Variants in TTC17 observed in about 807,000 individuals in gnomAD.
The protein encoded by TTC17 is tetratricopeptide repeat domain 17, also known as tetratricopeptide repeat protein 17.
A neutral mutation model predicts 143.8 loss-of-function variants in TTC17; 58 were observed. The observed-to-expected ratio is 0.40, with a 90% CI of 0.33 to 0.50. The LOEUF is 0.50. Ranked by LOEUF, TTC17 falls within the 20% of genes least tolerant of loss-of-function variation. The pLI is 0.49. For synonymous variants in TTC17, 501 were observed against 497.8 expected, an observed-to-expected ratio of 1.01 and a Z score of -0.09; for missense variants, 1,273 against 1,392.5, an observed-to-expected ratio of 0.91 and a Z score of 1.37.
In TTC17 at chr11:43,492,153, A is replaced by T. The variant is rs139245335; in HGVS notation, c.3284A>T (p.Tyr1095Phe). Reference protein sequence around the residue: ...AVNHFTLGNVYVAMEEFEKAL... With the variant: ...AVNHFTLGNVFVAMEEFEKAL... Reference sequence around the variant, plus strand: ...AACCACTTCACTCTGGGCAATGTCTACGTGGCAATGGTGAGATGGGGGTGT... The same window carrying T: ...AACCACTTCACTCTGGGCAATGTCTTCGTGGCAATGGTGAGATGGGGGTGT... The change falls in exon 23 of 24, where the codon TAC (tyrosine) becomes TTC (phenylalanine). Residue 1095 changes from tyrosine to phenylalanine, a missense_variant. Around this residue, in one of 3 missense-constraint regions of TTC17, gnomAD observed 878 missense variants for 899.8 expected, o/e 0.98. Transcript: ENST00000039989. 6.2e-6 allele frequency: 10 copies of T among 1,613,942 alleles called. No homozygotes were observed. The highest frequency in any genetic ancestry group is 1.3e-5 in the African/African-American group (1 of 74,924).
chr11:43,438,517 A>G (rs966882572), intron 16 of TTC17, among the ~76,000 whole-genome samples: 1 of 152,194 alleles, frequency 6.6e-6, no homozygotes, highest in African/African-American at 2.4e-5. Flanking sequence ...TTGTGAGACA[A>G]AGGGACATAT....
chr11:43,400,741 CTG>C (rs979969368), intron 9 of TTC17, among the ~76,000 whole-genome samples: 1 of 152,080 alleles, frequency 6.6e-6, no homozygotes, highest in Admixed American at 6.6e-5. Flanking sequence ...TCTCAAGCAT[CTG>C]TGATCCATAA....
intron 21 of TTC17, among the ~76,000 whole-genome samples, chr11:43,451,539 G>A (rs1342836928): frequency 6.6e-6 from 1 of 152,178 alleles, no homozygotes; most frequent in Non-Finnish European, 1.5e-5. Context: ...AGAGGTGGTA[G>A]TATTGGAAAC....
chr11:43,443,492 A>C lies in TTC17; in HGVS notation c.2419A>C (p.Ile807Leu). 1 of 1,614,200 alleles carries C rather than the reference A, an allele frequency of 6.2e-7. No individual in the cohort carries two copies. The highest frequency in any genetic ancestry group is 8.5e-7 in the Non-Finnish European group (1 of 1,180,020). Residue 807 changes from isoleucine to leucine, a missense_variant, in exon 17 of 24, where the codon ATA (isoleucine) becomes CTA (leucine). This residue lies in a region of TTC17 where 878 missense variants were observed against 899.8 expected (regional missense o/e 0.98). Coordinates refer to ENST00000039989, the MANE Select transcript of TTC17 (RefSeq NM_018259.6). ...MKGRRLDLQGIRVLKKGPQDG... is the reference protein window; with the variant it reads ...MKGRRLDLQGLRVLKKGPQDG... ...AGGGCGGCGTCTAGACTTACAAGGA[A>C]TACGGGTGCTGAAGAAAGGTCCCCA...
chr11:43,469,437 C>T (rs1948046708), intron 21 of TTC17, among the ~76,000 whole-genome samples: 1 of 152,104 alleles, frequency 6.6e-6, no homozygotes, highest in South Asian at 2.1e-4. Context: ...CAGCTTTATT[C>T]ATAATAGCCA....
At chr11:43,490,158 C>G in intron 21 of TTC17, 81 bp from the exon 22 acceptor site, 1 of 1,530,348 alleles carries the variant, frequency 6.5e-7, no homozygotes, top group African/African-American at 1.4e-5. Context: ...ATGGTCATGA[C>G]TTGTGTTACT....
chr11:43,400,333 T>C (rs1857798251), intron 9 of TTC17, among the ~76,000 whole-genome samples: 1 of 152,190 alleles, frequency 6.6e-6, no homozygotes, highest in African/African-American at 2.4e-5. Flanking sequence ...CAGTTTTTTT[T>C]CCTACCCTAA....
intron 21 of TTC17, among the ~76,000 whole-genome samples, chr11:43,489,581 T>A (rs565659589): frequency 2.6e-5 from 4 of 151,988 alleles, no homozygotes; most frequent in African/African-American, 9.7e-5. Flanking sequence ...CTACTAAAAA[T>A]ACAAAAATTA....
At chr11:43,459,236 C>G (rs1327523605) in intron 21 of TTC17, among the ~76,000 whole-genome samples, 7 of 152,196 alleles carry the variant, frequency 4.6e-5, no homozygotes, top group Admixed American at 4.6e-4. Context: ...ATGTAGCAAT[C>G]CCATGGCAGT....
chr11:43,390,543 G>A lies in TTC17; in HGVS notation c.419+722G>A, dbSNP rs537849845. ...AGGCAGGAGAATGGCGTGAACCCAG[G>A]AGGCAGAGCTTGCAGTGAGCCAAGA... On this transcript the variant is annotated intron_variant, in intron 3 of 23. Coordinates refer to ENST00000039989, the MANE Select transcript of TTC17 (RefSeq NM_018259.6). Among the ~76,000 whole-genome samples the A allele has an allele frequency of 2.6e-5, 4 of 151,858 alleles. No homozygotes were observed. In the South Asian group the frequency reaches 8.3e-4, roughly 32 times the overall value.
chr11:43,419,175 A>G (rs1946844701), intron 16 of TTC17, among the ~76,000 whole-genome samples: 1 of 152,214 alleles, frequency 6.6e-6, no homozygotes, highest in South Asian at 2.1e-4. Flanking sequence ...AGATCCTTAG[A>G]AAGAATGAAT....
chr11:43,361,065 A>G (rs1410930383), intron 1 of TTC17, among the ~76,000 whole-genome samples: 1 of 152,182 alleles, frequency 6.6e-6, no homozygotes, highest in East Asian at 1.9e-4. Flanking sequence ...GTTGGATTTA[A>G]TCTGAAGAAA....
At chr11:43,410,795 A>G (rs1277077820) in intron 15 of TTC17, among the ~76,000 whole-genome samples, 2 of 152,210 alleles carry the variant, frequency 1.3e-5, no homozygotes, top group South Asian at 2.1e-4. Context: ...TAATAAAGCT[A>G]TCTTTCCAGT....
At chr11:43,366,933 C>T (rs533791077) in intron 1 of TTC17, among the ~76,000 whole-genome samples, 49 of 152,250 alleles carry the variant, frequency 3.2e-4, no homozygotes, top group African/African-American at 1.1e-3. Context: ...GAGTCATACT[C>T]GTCATAATAT....
In TTC17 at chr11:43,490,348, A is replaced by G. The variant is rs986880082; in HGVS notation, c.3140A>G (p.His1047Arg). The change falls in exon 22 of 24, where the codon CAC becomes CGC. Residue 1047 changes from histidine (H) to arginine (R), a missense_variant. His to Arg is a conservative substitution (Grantham distance 29). Transcript: ENST00000039989. ...CGCCAGGCTCTGCACTATGCGCCAC[A>G]CCAGATGAAGGTGAGTGGGACTCAG... ...CLRQALHYAP[H>R]QMKDVPLISL... 1 of 1,603,746 alleles carries G rather than the reference A, an allele frequency of 6.2e-7. No homozygotes were observed. Among genetic ancestry groups the G allele is most frequent in the East Asian group, 2.2e-5 (1 of 44,632 alleles).
chr11:43,472,374 A>G (rs1395734421), intron 21 of TTC17, among the ~76,000 whole-genome samples: 9 of 152,184 alleles, frequency 5.9e-5, no homozygotes, highest in Non-Finnish European at 1.2e-4. Context: ...ATGCAAATAC[A>G]AGTAAAAAGG....
rs1457329429 is a variant in TTC17 at position 43,372,514 on chromosome 11, A to ATTTATTTG, written c.160-6716_160-6715insATTTGTTT. On this transcript the variant is annotated intron_variant, in intron 1 of 23. Coordinates refer to ENST00000039989, the MANE Select transcript of TTC17 (RefSeq NM_018259.6). The stretch of plus-strand genomic sequence containing the variant: ...TATTTATTTATTTATTTATTTATTT[A>ATTTATTTG]TTTTTGAGACAGAGTTTCACTCTTA... Among the ~76,000 whole-genome samples, 4 of 149,704 alleles carry ATTTATTTG rather than the reference A, an allele frequency of 2.7e-5. No homozygotes were observed. In the East Asian group the frequency reaches 7.8e-4, roughly 29 times the overall value.
At chr11:43,363,449 T>C (rs1339783636) in intron 1 of TTC17, among the ~76,000 whole-genome samples, 1 of 152,238 alleles carries the variant, frequency 6.6e-6, no homozygotes, top group Admixed American at 6.5e-5. Flanking sequence ...TTGTTAGTTG[T>C]AGCCTTACTG....
chr11:43,440,669 C>A (rs1255529245), intron 16 of TTC17, among the ~76,000 whole-genome samples: 1 of 152,154 alleles, frequency 6.6e-6, no homozygotes, highest in Non-Finnish European at 1.5e-5. Context: ...CACCCCAGTT[C>A]CGATACACAA....
Sources: allele counts gnomAD v4.1 joint callset (sites outside exome capture counted in the v4.1 genomes callset), GRCh38; gene constraint gnomAD v4.1.1; regional missense constraint gnomAD v4.1.1; transcripts MANE v1.5; gene names NCBI Gene and HGNC (gene_info 2026-07-23, HGNC 2026-07-21).